Variants in RANBP3L observed in about 807,000 individuals in gnomAD.
The protein encoded by RANBP3L is RAN binding protein 3 like, also known as ran-binding protein 3-like.
In RANBP3L, 56 loss-of-function variants were observed where a neutral mutation model predicts 67.2. That is an observed-to-expected ratio of 0.83 (90% CI 0.67 to 1.04). The LOEUF (loss-of-function observed/expected upper bound fraction) is 1.04. RANBP3L is among the 50% of genes least tolerant of loss of function. The pLI, the probability that RANBP3L is intolerant of heterozygous loss-of-function variation, is 0.00. For missense variants in RANBP3L, 496 were observed against 535.5 expected (o/e 0.93, Z 0.73); for synonymous variants, 164 against 181.4 (o/e 0.90, Z 0.77).
At chr5:36,274,375 T>A (rs1282514482) in intron 1 of RANBP3L, among the ~76,000 whole-genome samples, 2 of 152,108 alleles carry the variant, frequency 1.3e-5, no homozygotes, top group Admixed American at 6.6e-5. Flanking sequence ...AAGAGAATCT[T>A]AGTTTTTGGG....
chr5:36,287,978 G>A (rs557256802), intron 1 of RANBP3L, among the ~76,000 whole-genome samples: 1 of 152,304 alleles, frequency 6.6e-6, no homozygotes, highest in African/African-American at 2.4e-5. Flanking sequence ...ACTAGTAGAG[G>A]CCTAGAGGAA....
At chr5:36,268,613 A>G (rs1238976753) in intron 4 of RANBP3L, among the ~76,000 whole-genome samples, 1 of 152,234 alleles carries the variant, frequency 6.6e-6, no homozygotes, top group Non-Finnish European at 1.5e-5. Flanking sequence ...TGCTTTCAGC[A>G]TAGAAGACAA....
intron 1 of RANBP3L, among the ~76,000 whole-genome samples, chr5:36,282,874 A>C (rs1191032215): frequency 1.3e-5 from 2 of 152,124 alleles, no homozygotes; most frequent in East Asian, 3.9e-4. Flanking sequence ...ATGTAGCAGG[A>C]ATAACATGAT....
chr5:36,257,496 A>G lies in RANBP3L; in HGVS notation c.730T>C (p.Phe244Leu), dbSNP rs1749072160. The change falls in exon 9 of 14, where the codon TTC becomes CTC. Residue 244 changes from phenylalanine to leucine, a missense_variant. By Grantham distance (22) the Phe-to-Leu change is conservative (BLOSUM62 0). Transcript: ENST00000296604. The stretch of plus-strand genomic sequence containing the variant: ...ACAGGAAATTTCGGAATGGATTTGA[A>G]TGGTTTTTCCTTGGCATATGAATCA... ...ENDSYAKEKP[F>L]KSIPKFPVNF... 18 of 1,598,980 alleles carry G rather than the reference A, an allele frequency of 1.1e-5. No homozygotes were observed. Among genetic ancestry groups the G allele is most frequent in the Non-Finnish European group, 1.5e-5 (18 of 1,170,342 alleles).
chr5:36,290,787 A>G (rs533989515), intron 1 of RANBP3L, among the ~76,000 whole-genome samples: 23 of 122,224 alleles, frequency 1.9e-4, no homozygotes, highest in Middle Eastern at 8.1e-3. Context: ...ACTGGAGTGC[A>G]GTGGCGCGAT....
At position 36,248,037 on chromosome 5, in the gene RANBP3L, TTA is replaced by T. The variant is rs1275622376; in HGVS notation, c.*1615_*1616del. Among the ~76,000 whole-genome samples, 2 of 152,246 alleles carry T rather than the reference TTA, an allele frequency of 1.3e-5. No individual in the cohort carries two copies. The highest frequency in any genetic ancestry group is 2.9e-5 in the Non-Finnish European group (2 of 68,042). ...TATCTTCTCCAAATATCTCTCTGTG[TTA>T]TGTTTCTAATGAAAATTTTCTGCTG... On this transcript the variant is annotated 3_prime_UTR_variant, in exon 14 of 14. Transcript: ENST00000296604.
chr5:36,292,460 C>T (rs935895899), intron 1 of RANBP3L, among the ~76,000 whole-genome samples: 9 of 152,170 alleles, frequency 5.9e-5, no homozygotes, highest in African/African-American at 1.2e-4. Context: ...GTGTTTTAGA[C>T]ATGAAGTCCT....
chr5:36,253,906 CTT>C (rs1472002927), intron 11 of RANBP3L, 117 bp from the exon 12 acceptor site: 5 of 954,330 alleles, frequency 5.2e-6, no homozygotes, highest in Non-Finnish European at 7.5e-6. Context: ...TCAATACTAA[CTT>C]GTGATTTGAC....
intron 1 of RANBP3L, among the ~76,000 whole-genome samples, chr5:36,281,234 A>G (rs1341217424): frequency 6.6e-6 from 1 of 152,144 alleles, no homozygotes; most frequent in Non-Finnish European, 1.5e-5. Context: ...GACCTACCTT[A>G]TAGAGTTGTA....
rs760184943 is a variant in RANBP3L, at chr5:36,249,604, A to G, written c.*50T>C. ...TTAGTTAGGGTGGTTTAGTATTTTCAGTAGGGTGACCCCTCTTTTTGTAGA... is the reference window on the plus strand; with the variant it reads ...TTAGTTAGGGTGGTTTAGTATTTTCGGTAGGGTGACCCCTCTTTTTGTAGA... On this transcript the variant is annotated 3_prime_UTR_variant, in exon 14 of 14. Coordinates refer to ENST00000296604, the MANE Select transcript of RANBP3L (RefSeq NM_145000.5). 1.0e-6 allele frequency: 1 copy of G among 992,232 alleles called. No homozygotes were observed. Among genetic ancestry groups the G allele is most frequent in the Non-Finnish European group, 1.5e-6 (1 of 661,844 alleles). 61.5% of individuals were successfully genotyped at this position (992,232 alleles called of 1,614,324 possible). A position where few individuals can be genotyped will look rare whatever the true frequency, so the allele number is the denominator to read the frequency against.
intron 1 of RANBP3L, among the ~76,000 whole-genome samples, chr5:36,290,702 A>G (rs1268596495): frequency 7.0e-6 from 1 of 143,090 alleles, no homozygotes; most frequent in Non-Finnish European, 1.5e-5. Context: ...AAGTGTAATT[A>G]GGGATGGCCT....
intron 12 of RANBP3L, among the ~76,000 whole-genome samples, chr5:36,252,614 G>A (rs1033054907): frequency 6.6e-6 from 1 of 152,038 alleles, no homozygotes; most frequent in Non-Finnish European, 1.5e-5. Context: ...ACAGTTGTAT[G>A]TGTATACTAA....
At chr5:36,254,742 C>T (rs1364250182) in intron 11 of RANBP3L, among the ~76,000 whole-genome samples, 2 of 152,216 alleles carry the variant, frequency 1.3e-5, no homozygotes, top group East Asian at 1.9e-4. Context: ...TGGTCTCCTC[C>T]AAAGTCCTGA....
intron 1 of RANBP3L, among the ~76,000 whole-genome samples, chr5:36,298,755 T>C (rs1399812053): frequency 6.6e-6 from 1 of 152,226 alleles, no homozygotes; most frequent in African/African-American, 2.4e-5. Context: ...GGCAGATATT[T>C]TGAGACTTGG....
At chr5:36,292,314 G>T (rs1751850012) in intron 1 of RANBP3L, among the ~76,000 whole-genome samples, 1 of 151,760 alleles carries the variant, frequency 6.6e-6, no homozygotes, top group Admixed American at 6.6e-5. Flanking sequence ...TTTGTCAGAT[G>T]AGTAGGCTGC....
chr5:36,288,799 AT>A (rs370527221), intron 1 of RANBP3L, among the ~76,000 whole-genome samples: 17 of 152,136 alleles, frequency 1.1e-4, no homozygotes, highest in African/African-American at 4.1e-4. Flanking sequence ...TCTTTTGCCC[AT>A]TTTTAAATCA....
intron 1 of RANBP3L, among the ~76,000 whole-genome samples, chr5:36,271,977 C>G (rs113313706): frequency 6.6e-6 from 1 of 152,052 alleles, no homozygotes; most frequent in African/African-American, 2.4e-5. Flanking sequence ...TAAATATCAA[C>G]GCTCCAGAAT....
At chr5:36,271,563 C>A (rs889789085) in intron 1 of RANBP3L, among the ~76,000 whole-genome samples, 2 of 152,108 alleles carry the variant, frequency 1.3e-5, no homozygotes, top group Admixed American at 6.6e-5. Context: ...AAAGAACATG[C>A]TTTAAGTGTT....
chr5:36,280,689 G>A (rs73081952), intron 1 of RANBP3L, among the ~76,000 whole-genome samples: 3,513 of 152,100 alleles, frequency 0.023, 169 homozygotes, highest in African/African-American at 0.081. Flanking sequence ...TTTATTTGGG[G>A]GTGATCAGGG....
Sources: gnomAD v4.1 joint callset for allele counts (sites outside exome capture counted in the v4.1 genomes callset) on GRCh38, gnomAD v4.1.1 for gene constraint, MANE v1.5 for transcripts, NCBI Gene and HGNC (gene_info 2026-07-23, HGNC 2026-07-21) for gene names.